Variants in ZNF184 observed in about 807,000 individuals in gnomAD.
ZNF184 encodes the protein zinc finger protein 184.
ZNF184 carries 16 observed loss-of-function variants against 54.4 expected under a neutral mutation model. The observed-to-expected ratio is 0.29, with a 90% CI of 0.20 to 0.45. The LOEUF (loss-of-function observed/expected upper bound fraction) is 0.45. Ranked by LOEUF, ZNF184 falls within the 20% of genes least tolerant of loss-of-function variation. The pLI, the probability that ZNF184 is intolerant of heterozygous loss-of-function variation, is 1.00. For missense variants in ZNF184, 681 were observed against 888.2 expected (o/e 0.77, Z 2.97); for synonymous variants, 254 against 295.3 (o/e 0.86, Z 1.43).
chr6:27,472,229 C>T lies in ZNF184; in HGVS notation c.7+59G>A. On this transcript the variant is annotated intron_variant, in intron 2 of 5. Coordinates refer to ENST00000683788, the MANE Select transcript of ZNF184 (RefSeq NM_001318891.2). This position sits in a 1 kb window ranked among gnomAD's most constrained non-coding sequence, Gnocchi z 4.8. ...CTCTGATCTCAAGTATTTGATACTC[C>T]AGTCATGACTGTTCTCAAGCCTCCA... The T allele has an allele frequency of 6.2e-7, 1 of 1,606,782 alleles. No individual in the cohort carries two copies. Among genetic ancestry groups the T allele is most frequent in the Non-Finnish European group, 8.5e-7 (1 of 1,174,566 alleles).
chr6:27,472,479 A>G lies in ZNF184; in HGVS notation c.-139-46T>C, dbSNP rs1763302429. The G allele has an allele frequency of 1.5e-6, 1 of 670,152 alleles. No individual in the cohort carries two copies. The highest frequency in any genetic ancestry group is 1.8e-5 in the African/African-American group (1 of 55,836). The allele number at this position is 670,152 out of a possible 1,614,324, so 41.5% of individuals were successfully genotyped here. ...TCAGCAGCATACGTCACACAATCACACATCAGAGTCTTGCAAAGTGACCAA... is the reference window on the plus strand; with the variant it reads ...TCAGCAGCATACGTCACACAATCACGCATCAGAGTCTTGCAAAGTGACCAA... On this transcript the variant is annotated intron_variant, in intron 1 of 5. Coordinates refer to ENST00000683788, the MANE Select transcript of ZNF184 (RefSeq NM_001318891.2). The surrounding 1 kb of genome is among the most constrained non-coding windows in gnomAD (Gnocchi z 4.8).
the ZNF184 span, among the ~76,000 whole-genome samples, chr6:27,422,148 A>AAAAAAAGAAAGAAAGAAGAAGG: frequency 2.3e-5 from 1 of 43,456 alleles, no homozygotes; most frequent in African/African-American, 8.5e-5. Flanking sequence ...CTCAAAAAAA[A>AAAAAAAGAAAGAAAGAAGAAGG]AAAGAAAGAA....
At chr6:27,429,958 A>G in the ZNF184 span, among the ~76,000 whole-genome samples, 3 of 152,244 alleles carry the variant, frequency 2.0e-5, no homozygotes, top group Non-Finnish European at 2.9e-5. Flanking sequence ...AAACTTATAT[A>G]GTGAATTGGA....
Position 27,457,293 on chromosome 6 carries a change from C to A in ZNF184, c.192G>T (p.Leu64=). The stretch of plus-strand genomic sequence containing the variant: ...AGAAATTATCCTTACCTATAGAGAC[C>A]AGGTGTGTATAATTTTCCAATGTCA... ...RDVTLENYTH[L]VSIGLQVSKP... is the part of the protein sequence containing the mutation. The change falls in exon 4 of 6, where the codon CTG becomes CTT. Residue 64 remains leucine (L), a synonymous_variant. Transcript: ENST00000683788. 1 of 1,613,952 alleles carries A rather than the reference C, an allele frequency of 6.2e-7. No individual in the cohort carries two copies. Among genetic ancestry groups the A allele is most frequent in the South Asian group, 1.1e-5 (1 of 91,064 alleles).
chr6:27,409,447 C>T, the ZNF184 span, among the ~76,000 whole-genome samples: 924 of 140,366 alleles, frequency 6.6e-3, 11 homozygotes, highest in African/African-American at 0.023. Flanking sequence ...TGCAGTGAGC[C>T]GAGATCGCAC....
chr6:27,417,116 G>A, the ZNF184 span, among the ~76,000 whole-genome samples: 2 of 152,040 alleles, frequency 1.3e-5, no homozygotes, highest in Admixed American at 1.3e-4. Flanking sequence ...CCAATTCTGG[G>A]GGTCATGAAA....
intron 3 of ZNF184, among the ~76,000 whole-genome samples, chr6:27,467,056 G>C (rs974925543): frequency 1.3e-5 from 2 of 151,964 alleles, no homozygotes; most frequent in Non-Finnish European, 2.9e-5. Flanking sequence ...CCTTACTTAT[G>C]AACTTCTGCT....
At chr6:27,424,054 T>A in the ZNF184 span, among the ~76,000 whole-genome samples, 1 of 152,224 alleles carries the variant, frequency 6.6e-6, no homozygotes, top group Non-Finnish European at 1.5e-5. Flanking sequence ...TTACAACTCC[T>A]AAAGTGGCAC....
chr6:27,423,683 T>C, the ZNF184 span, among the ~76,000 whole-genome samples: 3 of 152,148 alleles, frequency 2.0e-5, no homozygotes, highest in African/African-American at 7.2e-5. Flanking sequence ...CTGGGCATGT[T>C]AGTATATACT....
chr6:27,420,222 A>G, the ZNF184 span, among the ~76,000 whole-genome samples: 1 of 152,206 alleles, frequency 6.6e-6, no homozygotes, highest in Non-Finnish European at 1.5e-5. Context: ...CCAGGTACCC[A>G]ACAAACATTT....
chr6:27,404,294 T>A, the ZNF184 span: 1 of 152,232 alleles, frequency 6.6e-6, no homozygotes, highest in African/African-American at 2.4e-5. Flanking sequence ...AGAATTAAGA[T>A]GAATTACTCC....
downstream of ZNF184, among the ~76,000 whole-genome samples, chr6:27,447,586 GC>G (rs968076313): frequency 6.6e-6 from 1 of 151,998 alleles, no homozygotes; most frequent in African/African-American, 2.4e-5. Context: ...GGTGGCAGGC[GC>G]CCGTAATCCC....
chr6:27,466,216 T>C (rs6899950), intron 3 of ZNF184, among the ~76,000 whole-genome samples: 91,562 of 151,662 alleles, frequency 0.6, 27,857 homozygotes, highest in Middle Eastern at 0.74. Flanking sequence ...ATAGAATAAG[T>C]AGACAAAGAA....
At chr6:27,427,058 A>G in the ZNF184 span, among the ~76,000 whole-genome samples, 1 of 150,486 alleles carries the variant, frequency 6.6e-6, no homozygotes, top group African/African-American at 2.4e-5. Flanking sequence ...TCTCTATATG[A>G]AAAGATTTCT....
At chr6:27,423,051 G>C in the ZNF184 span, among the ~76,000 whole-genome samples, 1 of 152,202 alleles carries the variant, frequency 6.6e-6, no homozygotes, top group Admixed American at 6.5e-5. Context: ...TGGCCTCGGA[G>C]GGAGGCCTAG....
At chr6:27,419,345 T>C in the ZNF184 span, among the ~76,000 whole-genome samples, 1 of 152,186 alleles carries the variant, frequency 6.6e-6, no homozygotes, top group Non-Finnish European at 1.5e-5. This position sits in a 1 kb window ranked among gnomAD's most constrained non-coding sequence, Gnocchi z 4.8. Context: ...TGACCTCAAG[T>C]GATCCACCCA....
At chr6:27,458,430 AAAT>A (rs1004826285) in intron 3 of ZNF184, among the ~76,000 whole-genome samples, 12 of 152,194 alleles carry the variant, frequency 7.9e-5, no homozygotes, top group Non-Finnish European at 1.5e-4. Flanking sequence ...GCAAAAAAAT[AAAT>A]AATACCATTA....
the ZNF184 span, among the ~76,000 whole-genome samples, chr6:27,421,663 A>G: frequency 1.3e-5 from 2 of 152,224 alleles, no homozygotes; most frequent in African/African-American, 2.4e-5. Flanking sequence ...CAGTACAGCT[A>G]TAGGAAACTA....
intron 2 of ZNF184, among the ~76,000 whole-genome samples, chr6:27,468,824 C>A (rs1763204554): frequency 1.3e-5 from 2 of 152,132 alleles, no homozygotes; most frequent in Admixed American, 1.3e-4. Flanking sequence ...AACTGATCTA[C>A]AGTAATGAAA....
Sources: allele counts gnomAD v4.1 joint callset (sites outside exome capture counted in the v4.1 genomes callset), GRCh38; gene constraint gnomAD v4.1.1; non-coding constraint Gnocchi (gnomAD v3.1); transcripts MANE v1.5; gene names NCBI Gene and HGNC (gene_info 2026-07-23, HGNC 2026-07-21).